The following COMMD10 variants were observed in gnomAD, a reference collection of about 807,000 sequenced individuals.
The protein encoded by COMMD10 is COMM domain-containing protein 10.
COMMD10 carries 33 observed loss-of-function variants against 28.9 expected under a neutral mutation model. The ratio of observed to expected loss-of-function variants is 1.14; its 90% confidence interval spans 0.87 to 1.53. The LOEUF (loss-of-function observed/expected upper bound fraction) is 1.53. Ranked by LOEUF, COMMD10 falls within the 40% of genes most tolerant of loss-of-function variation. COMMD10 has a pLI of 0.00. For synonymous variants in COMMD10, 110 were observed against 81.7 expected (o/e 1.35, Z -1.87); for missense variants, 310 against 233.4 (o/e 1.33, Z -2.14).
chr5:116,236,349 C>T (rs1749660583), intron 5 of COMMD10, among the ~76,000 whole-genome samples: 1 of 151,522 alleles, frequency 6.6e-6, no homozygotes, highest in African/African-American at 2.4e-5. Flanking sequence ...ACTAAAAGTA[C>T]AAAAATTAGC....
rs560449069 is a variant in COMMD10 at position 116,276,004 on chromosome 5, A to C, written c.511-15513A>C. Among the ~76,000 whole-genome samples, 314 of 151,234 alleles carry C rather than the reference A, an allele frequency of 2.1e-3. 9 individuals are homozygous for C. The highest frequency in any genetic ancestry group is 7.2e-3 in the African/African-American group (293 of 40,884). ...TACCCTTGACCTTAAGGAACACACT[A>C]TGTTTTGGAAGCCTTCATTGTAAAA... On this transcript the variant is annotated intron_variant, in intron 5 of 6. Transcript: ENST00000274458.
intron 6 of COMMD10, among the ~76,000 whole-genome samples, chr5:116,291,786 A>C (rs1416099468): frequency 6.6e-6 from 1 of 152,148 alleles, no homozygotes; most frequent in Non-Finnish European, 1.5e-5. Context: ...AAATAGTTTT[A>C]ATTAAAGCAA....
chr5:116,150,352 T>A (rs1752483514), intron 5 of COMMD10, among the ~76,000 whole-genome samples: 2 of 152,136 alleles, frequency 1.3e-5, no homozygotes, highest in African/African-American at 4.8e-5. Context: ...TCTTTTTTGG[T>A]TCCATATGAA....
chr5:116,287,420 C>T (rs1392327493), intron 5 of COMMD10, among the ~76,000 whole-genome samples: 1 of 151,704 alleles, frequency 6.6e-6, no homozygotes, highest in Non-Finnish European at 1.5e-5. Flanking sequence ...TTACCATTTA[C>T]ACGGGATATC....
chr5:116,193,566 TAAAAC>T (rs1762742284), intron 5 of COMMD10, among the ~76,000 whole-genome samples: 2 of 152,020 alleles, frequency 1.3e-5, no homozygotes, highest in Non-Finnish European at 2.9e-5. Flanking sequence ...CAACAGCAGT[TAAAAC>T]AAAGAGGGAC....
chr5:116,179,681 C>G (rs1246231999), intron 5 of COMMD10, among the ~76,000 whole-genome samples: 1 of 152,034 alleles, frequency 6.6e-6, no homozygotes, highest in African/African-American at 2.4e-5. Context: ...TCCTTGCAAA[C>G]CAGGTAGTTT....
chr5:116,113,097 A>G (rs1751110232), intron 4 of COMMD10, among the ~76,000 whole-genome samples: 2 of 152,182 alleles, frequency 1.3e-5, no homozygotes, highest in Admixed American at 6.5e-5. Flanking sequence ...TGGATATACA[A>G]TTCTTGGCTG....
chr5:116,155,948 A>G (rs770566287), intron 5 of COMMD10, among the ~76,000 whole-genome samples: 3 of 152,094 alleles, frequency 2.0e-5, no homozygotes, highest in Admixed American at 2.0e-4. Flanking sequence ...AGGTCCTACA[A>G]TTTTTGAGAA....
rs1266170521 is a variant in COMMD10, at chr5:116,293,077, A to T, written c.*588A>T. The T allele has an allele frequency of 2.5e-6, 1 of 396,922 alleles. No homozygotes were observed. The highest frequency in any genetic ancestry group is 2.1e-5 in the African/African-American group (1 of 48,560). 24.6% of individuals were successfully genotyped at this position (396,922 alleles called of 1,614,324 possible). A position where few individuals can be genotyped will look rare whatever the true frequency, so the allele number is the denominator to read the frequency against. ...CAACTTCAGTTTCTCTCTCAGTTTA[A>T]TGATTTAATAATAGTCCAGGTTTTT... On this transcript the variant is annotated 3_prime_UTR_variant, in exon 7 of 7. Coordinates refer to ENST00000274458, the MANE Select transcript of COMMD10 (RefSeq NM_016144.4).
chr5:116,176,325 G>A (rs1444605419), intron 5 of COMMD10, among the ~76,000 whole-genome samples: 1 of 152,122 alleles, frequency 6.6e-6, no homozygotes, highest in East Asian at 1.9e-4. Flanking sequence ...GGCTGACTAG[G>A]CTGGACTGGA....
intron 5 of COMMD10, among the ~76,000 whole-genome samples, chr5:116,209,271 C>T (rs1407164364): frequency 1.3e-5 from 2 of 151,740 alleles, no homozygotes; most frequent in Non-Finnish European, 2.9e-5. Context: ...GTAATATTTT[C>T]TACTTACTGC....
chr5:116,137,372 G>A (rs1420116528), intron 5 of COMMD10, among the ~76,000 whole-genome samples: 1 of 151,930 alleles, frequency 6.6e-6, no homozygotes, highest in Admixed American at 6.6e-5. Context: ...TTACAAAAAG[G>A]GAGATTAAAA....
intron 4 of COMMD10, among the ~76,000 whole-genome samples, chr5:116,123,779 C>G (rs1307399317): frequency 6.6e-6 from 1 of 152,088 alleles, no homozygotes; most frequent in African/African-American, 2.4e-5. Flanking sequence ...GATTCAACTT[C>G]TTTCTGGTGT....
chr5:116,276,275 G>A (rs1750909869), intron 5 of COMMD10, among the ~76,000 whole-genome samples: 2 of 151,364 alleles, frequency 1.3e-5, no homozygotes, highest in African/African-American at 4.9e-5. Flanking sequence ...TTTTTGAGAT[G>A]GACTTCTGCT....
chr5:116,106,622 T>A (rs1750847400), intron 4 of COMMD10, among the ~76,000 whole-genome samples: 1 of 152,140 alleles, frequency 6.6e-6, no homozygotes, highest in South Asian at 2.1e-4. Flanking sequence ...GTAGTCTAAG[T>A]CTCTTTGTAG....
At chr5:116,235,356 G>A (rs1312874621) in intron 5 of COMMD10, among the ~76,000 whole-genome samples, 1 of 152,192 alleles carries the variant, frequency 6.6e-6, no homozygotes, top group African/African-American at 2.4e-5. Context: ...TACATTTCGA[G>A]TTCCAAGTTG....
intron 5 of COMMD10, among the ~76,000 whole-genome samples, chr5:116,278,615 A>C (rs922639036): frequency 6.6e-6 from 1 of 151,920 alleles, no homozygotes. Context: ...TAAACATTTC[A>C]TGAAAATATT....
intron 5 of COMMD10, among the ~76,000 whole-genome samples, chr5:116,183,827 A>G (rs1293043971): frequency 6.6e-6 from 1 of 152,110 alleles, no homozygotes; most frequent in East Asian, 1.9e-4. Context: ...GACCATATTC[A>G]GGTATATATG....
chr5:116,253,607 T>G (rs1159135277), intron 5 of COMMD10, among the ~76,000 whole-genome samples: 2 of 140,720 alleles, frequency 1.4e-5, no homozygotes, highest in African/African-American at 5.6e-5. Flanking sequence ...ATTTATTGAT[T>G]TGTGTATATT....
Sources: allele counts gnomAD v4.1 joint callset (sites outside exome capture counted in the v4.1 genomes callset), GRCh38; gene constraint gnomAD v4.1.1; transcripts MANE v1.5; gene names NCBI Gene and HGNC (gene_info 2026-07-23, HGNC 2026-07-21).